Variants in THSD7A observed in about 807,000 individuals in gnomAD.
THSD7A encodes thrombospondin type-1 domain-containing protein 7A.
A neutral mutation model predicts 231.3 loss-of-function variants in THSD7A; 96 were observed. The ratio of observed to expected loss-of-function variants is 0.41; its 90% CI spans 0.35 to 0.49. THSD7A has a LOEUF of 0.49. THSD7A is among the 20% of genes least tolerant of loss of function. The pLI is 0.05. For missense variants in THSD7A, 2,290 were observed against 2,070.2 expected (o/e 1.11, Z -2.06); for synonymous variants, 940 against 743.3 (o/e 1.26, Z -4.30).
At chr7:11,450,479 T>G (rs1372521925) in intron 11 of THSD7A, among the ~76,000 whole-genome samples, 1 of 152,004 alleles carries the variant, frequency 6.6e-6, no homozygotes, top group Non-Finnish European at 1.5e-5. Context: ...TACTGAAAAT[T>G]TATCCTACAT....
chr7:11,786,289 T>C (rs1445744165), intron 1 of THSD7A, among the ~76,000 whole-genome samples: 2 of 152,038 alleles, frequency 1.3e-5, no homozygotes, highest in Non-Finnish European at 2.9e-5. Context: ...ACATTCTCCC[T>C]TGGAGTCAGA....
intron 1 of THSD7A, among the ~76,000 whole-genome samples, chr7:11,670,145 T>C (rs1203679709): frequency 6.6e-6 from 1 of 152,164 alleles, no homozygotes; most frequent in African/African-American, 2.4e-5. Flanking sequence ...AAGCAGATCT[T>C]TGTGTCAACA....
intron 23 of THSD7A, among the ~76,000 whole-genome samples, chr7:11,397,600 A>G (rs904130341): frequency 1.3e-4 from 20 of 152,242 alleles, no homozygotes; most frequent in African/African-American, 4.8e-4. Flanking sequence ...AAAAGAAACT[A>G]TCATCAGAGT....
At chr7:11,443,485 T>C (rs375552115) in intron 13 of THSD7A, among the ~76,000 whole-genome samples, 1 of 152,058 alleles carries the variant, frequency 6.6e-6, no homozygotes, top group South Asian at 2.1e-4. Context: ...CCTTTACTTT[T>C]ATAGTTATTG....
intron 4 of THSD7A, among the ~76,000 whole-genome samples, chr7:11,546,025 C>T (rs755365929): frequency 2.6e-5 from 4 of 152,120 alleles, no homozygotes; most frequent in Non-Finnish European, 4.4e-5. Flanking sequence ...ATCTCAGATG[C>T]CCAATGAGGG....
At position 11,590,765 on chromosome 7, in the gene THSD7A, G is replaced by GA; in HGVS notation, c.1272-125dup. The GA allele has an allele frequency of 8.9e-7, 1 of 1,122,762 alleles. No homozygotes were observed. The highest frequency in any genetic ancestry group is 2.9e-5 in the Admixed American group (1 of 35,054). 69.5% of individuals were successfully genotyped at this position (1,122,762 alleles called of 1,614,324 possible). On this transcript the variant is annotated intron_variant, in intron 3 of 27. Coordinates refer to ENST00000423059, the MANE Select transcript of THSD7A (RefSeq NM_015204.3). The surrounding 1 kb of genome is among the most constrained non-coding windows in gnomAD (Gnocchi z 4.4). ...TCATTTTCCTAGAGAATCCATCGTA[G>GA]ACTACATCTATGGTGCATATTTGGT... is the stretch of plus-strand genomic sequence containing the variant.
At chr7:11,695,656 G>A (rs1780369269) in intron 1 of THSD7A, among the ~76,000 whole-genome samples, 1 of 151,486 alleles carries the variant, frequency 6.6e-6, no homozygotes, top group African/African-American at 2.4e-5. Context: ...TTTATTGACA[G>A]ATAATATGGA....
chr7:11,451,631 G>A (rs764288631), intron 11 of THSD7A, among the ~76,000 whole-genome samples: 6 of 151,932 alleles, frequency 3.9e-5, no homozygotes, highest in Admixed American at 2.0e-4. Flanking sequence ...ATGTTTTCAC[G>A]TAAATTGAGT....
chr7:11,439,522 G>A (rs531922266), intron 13 of THSD7A, among the ~76,000 whole-genome samples: 16 of 152,118 alleles, frequency 1.1e-4, no homozygotes, highest in Admixed American at 3.3e-4. Context: ...GTGCCAAGTT[G>A]TGAATGCAAA....
At chr7:11,649,810 AG>A (rs1176880478) in intron 1 of THSD7A, among the ~76,000 whole-genome samples, 1 of 152,066 alleles carries the variant, frequency 6.6e-6, no homozygotes, top group Non-Finnish European at 1.5e-5. Context: ...CAGACTGTTA[AG>A]GGTGCCACCT....
intron 6 of THSD7A, among the ~76,000 whole-genome samples, chr7:11,512,271 A>C (rs933455537): frequency 6.6e-6 from 1 of 152,210 alleles, no homozygotes; most frequent in Non-Finnish European, 1.5e-5. Flanking sequence ...TGATCATTAA[A>C]AAGTCAGGAA....
chr7:11,581,263 G>A (rs149066830), intron 4 of THSD7A, among the ~76,000 whole-genome samples: 250 of 151,924 alleles, frequency 1.6e-3, no homozygotes, highest in African/African-American at 5.6e-3. Context: ...GTATTTATAC[G>A]TACTCATTAT....
intron 6 of THSD7A, among the ~76,000 whole-genome samples, chr7:11,502,777 C>T (rs902295294): frequency 1.3e-5 from 2 of 151,984 alleles, no homozygotes; most frequent in African/African-American, 4.8e-5. Flanking sequence ...AAAATAATTA[C>T]AAAACACTGC....
chr7:11,548,823 C>A (rs1349235386), intron 4 of THSD7A, among the ~76,000 whole-genome samples: 1 of 147,800 alleles, frequency 6.8e-6, no homozygotes, highest in Non-Finnish European at 1.5e-5. Context: ...AAACCATCAA[C>A]AAACTATGTG....
intron 22 of THSD7A, among the ~76,000 whole-genome samples, chr7:11,403,637 A>G (rs1276373792): frequency 6.6e-6 from 1 of 152,228 alleles, no homozygotes. Flanking sequence ...TTTCACCAGT[A>G]GGCTTTATCT....
chr7:11,531,894 G>A (rs1267288745), intron 6 of THSD7A, among the ~76,000 whole-genome samples: 2 of 152,108 alleles, frequency 1.3e-5, no homozygotes, highest in African/African-American at 4.8e-5. Context: ...AGTAGCATGT[G>A]CCAGATTCAG....
intron 2 of THSD7A, among the ~76,000 whole-genome samples, chr7:11,606,084 G>A (rs1780723826): frequency 6.6e-6 from 1 of 152,148 alleles, no homozygotes; most frequent in Admixed American, 6.6e-5. Context: ...GAAGGCAACT[G>A]TTTGTTGGGG....
chr7:11,800,413 G>A (rs907669619), intron 1 of THSD7A, among the ~76,000 whole-genome samples: 8 of 152,236 alleles, frequency 5.3e-5, no homozygotes, highest in African/African-American at 1.7e-4. Context: ...GCCGGGTGTG[G>A]TGATGGGCGC....
intron 13 of THSD7A, among the ~76,000 whole-genome samples, chr7:11,443,349 G>A (rs1784862992): frequency 6.6e-6 from 1 of 151,894 alleles, no homozygotes; most frequent in Non-Finnish European, 1.5e-5. Context: ...CCTCAAAGTA[G>A]AAAGAGAATT....
Sources: gnomAD v4.1 joint callset for allele counts (sites outside exome capture counted in the v4.1 genomes callset) on GRCh38, gnomAD v4.1.1 for gene constraint, Gnocchi (gnomAD v3.1) non-coding constraint, MANE v1.5 for transcripts, NCBI Gene and HGNC (gene_info 2026-07-23, HGNC 2026-07-21) for gene names.